FLT1: variants seen among roughly 807,000 people sequenced by gnomAD.
FLT1 encodes fms related receptor tyrosine kinase 1.
FLT1 carries 49 observed loss-of-function variants against 156.3 expected under a neutral mutation model. That is an observed-to-expected ratio of 0.31 (90% CI 0.25 to 0.40). FLT1 has a LOEUF of 0.40. Ranked by LOEUF, FLT1 falls within the 10% of genes least tolerant of loss-of-function variation. FLT1 has a pLI of 1.00. For missense variants in FLT1, 1,322 were observed against 1,637.2 expected, an observed-to-expected ratio of 0.81 and a Z score of 3.32; for synonymous variants, 594 against 583.8, an observed-to-expected ratio of 1.02 and a Z score of -0.25.
Position 28,357,605 on chromosome 13 carries a change from C to G in FLT1, c.2197G>C (p.Ala733Pro). The G allele has an allele frequency of 6.2e-7, 1 of 1,614,054 alleles. No individual in the cohort carries two copies. Among genetic ancestry groups the G allele is most frequent in the Non-Finnish European group, 8.5e-7 (1 of 1,179,924 alleles). The change falls in exon 15 of 30, where the codon GCC becomes CCC. Residue 733 changes from alanine to proline, a missense_variant. Around this residue, in one of 3 missense-constraint regions of FLT1, gnomAD observed 991 missense variants for 1,254.8 expected, o/e 0.79. Coordinates refer to ENST00000282397, the MANE Select transcript of FLT1 (RefSeq NM_002019.4). Reference protein sequence around the residue: ...EEDEGVYHCKATNQKGSVESS... With the variant: ...EEDEGVYHCKPTNQKGSVESS... ...TCCACAGAGCCCTTCTGGTTGGTGG[C>G]TTTGCAGTGATAGACACCTTCATCC...
At chr13:28,432,399 A>G (rs912412315) in intron 6 of FLT1, among the ~76,000 whole-genome samples, 18 of 152,210 alleles carry the variant, frequency 1.2e-4, no homozygotes, top group Admixed American at 9.8e-4. Flanking sequence ...ATCAAAAGTC[A>G]GAGAACTAGT....
In FLT1 at chr13:28,466,907, A is replaced by C. The variant is rs896247729; in HGVS notation, c.384T>G (p.Ile128Met). The C allele has an allele frequency of 2.4e-5, 38 of 1,595,880 alleles. No individual in the cohort carries two copies. Among genetic ancestry groups the C allele is most frequent in the Non-Finnish European group, 3.1e-5 (36 of 1,163,444 alleles). Residue 128 changes from isoleucine (I) to methionine (M), a missense_variant, in exon 3 of 30, where the codon ATT becomes ATG. Physicochemically the swap from Ile to Met is conservative, Grantham distance 10. Transcript: ENST00000282397. ...TGTAGAAAATGGAAGTCTTACCACT[A>C]ATAAATATATAGATTGCAGATTCTG... ...KETESAIYIF[I>M]SDTGRPFVEM...
intron 25 of FLT1, among the ~76,000 whole-genome samples, chr13:28,314,256 A>T (rs1490773255): frequency 6.6e-6 from 1 of 152,216 alleles, no homozygotes; most frequent in African/African-American, 2.4e-5. Context: ...GACACTCCCT[A>T]GTTTCCCTGC....
chr13:28,375,647 G>C (rs1873808947), intron 14 of FLT1, among the ~76,000 whole-genome samples: 1 of 152,190 alleles, frequency 6.6e-6, no homozygotes, highest in African/African-American at 2.4e-5. Context: ...GTGAAGCTTG[G>C]TTTTCCTTGA....
intron 10 of FLT1, among the ~76,000 whole-genome samples, chr13:28,426,650 GATAA>G (rs1039129328): frequency 1.3e-5 from 2 of 152,212 alleles, no homozygotes; most frequent in African/African-American, 2.4e-5. Context: ...CATGGGGTTT[GATAA>G]ATAAAGCCCT....
At chr13:28,364,013 C>T (rs1167477112) in intron 14 of FLT1, among the ~76,000 whole-genome samples, 1 of 152,124 alleles carries the variant, frequency 6.6e-6, no homozygotes, top group African/African-American at 2.4e-5. Flanking sequence ...TTTTATTGGC[C>T]ATTCAGGTTT....
intron 1 of FLT1, among the ~76,000 whole-genome samples, chr13:28,470,225 C>T (rs1880082943): frequency 1.3e-5 from 2 of 152,182 alleles, no homozygotes; most frequent in African/African-American, 4.8e-5. Context: ...TGTATTTTAA[C>T]TCATACTTAT....
chr13:28,330,239 A>G (rs1244314786), intron 18 of FLT1, among the ~76,000 whole-genome samples: 2 of 152,238 alleles, frequency 1.3e-5, no homozygotes, highest in Non-Finnish European at 2.9e-5. Flanking sequence ...TCTGGAGTTC[A>G]CAGGGTTATC....
chr13:28,398,977 A>G, intron 11 of FLT1: 1 of 1,015,702 alleles, frequency 9.8e-7, no homozygotes, highest in Non-Finnish European at 1.5e-6. Flanking sequence ...GAATCTTTTT[A>G]AGAGGTGGGA....
At chr13:28,364,146 C>T (rs17538114) in intron 14 of FLT1, among the ~76,000 whole-genome samples, 1,730 of 152,250 alleles carry the variant, frequency 0.011, 54 homozygotes, top group Admixed American at 0.061. Flanking sequence ...TGGCTTAATA[C>T]GTTTCAAGTC....
At chr13:28,325,840 G>T (rs536679471) in intron 20 of FLT1, among the ~76,000 whole-genome samples, 3 of 113,744 alleles carry the variant, frequency 2.6e-5, no homozygotes, top group African/African-American at 8.4e-5. Flanking sequence ...AAAAAAAAAG[G>T]TTCTTATTAT....
chr13:28,476,546 T>C (rs1880559626), intron 1 of FLT1, among the ~76,000 whole-genome samples: 1 of 152,240 alleles, frequency 6.6e-6, no homozygotes. Context: ...CCTAGGAACC[T>C]GCTTTTTCCT....
At chr13:28,494,682 C>G in intron 1 of FLT1, 98 bp downstream of exon 1, 1 of 914,984 alleles carries the variant, frequency 1.1e-6, no homozygotes, top group Admixed American at 2.2e-5. Flanking sequence ...GCTACAGCCT[C>G]GTCTCCCCGC....
intron 1 of FLT1, among the ~76,000 whole-genome samples, chr13:28,474,485 GACACACACACACACAC>G (rs57021123): frequency 8.9e-6 from 1 of 112,466 alleles, no homozygotes; most frequent in Non-Finnish European, 1.8e-5. Context: ...AACAACCACA[GACACACACACACACAC>G]ACACACACAC....
At position 28,316,210 on chromosome 13, in the gene FLT1, C is replaced by T. The variant is rs528673969; in HGVS notation, c.3386+1288G>A. 6.6e-5 allele frequency among the ~76,000 whole-genome samples: 10 copies of T among 152,356 alleles called. No individual in the cohort carries two copies. The South Asian group carries it at 1.0e-3, about 16-fold the overall frequency. ...TTGGGCCTGAGTCTCCTGTCCACCTCGTCCAGTTCCCCATCCTGGGTCTGA... is the reference window on the plus strand; with the variant it reads ...TTGGGCCTGAGTCTCCTGTCCACCTTGTCCAGTTCCCCATCCTGGGTCTGA... On this transcript the variant is annotated intron_variant, in intron 25 of 29. Coordinates refer to ENST00000282397, the MANE Select transcript of FLT1 (RefSeq NM_002019.4).
At chr13:28,466,498 C>A (rs889963754) in intron 3 of FLT1, among the ~76,000 whole-genome samples, 4 of 152,154 alleles carry the variant, frequency 2.6e-5, no homozygotes, top group Admixed American at 1.3e-4. Flanking sequence ...TTAGTAGAAA[C>A]AACAGTATTT....
At chr13:28,370,634 A>G (rs1024456851) in intron 14 of FLT1, among the ~76,000 whole-genome samples, 3 of 152,218 alleles carry the variant, frequency 2.0e-5, no homozygotes, top group African/African-American at 7.2e-5. Context: ...CTAATAAAGC[A>G]TTTCAGGATG....
chr13:28,476,421 T>C (rs1440590886), intron 1 of FLT1, among the ~76,000 whole-genome samples: 1 of 152,228 alleles, frequency 6.6e-6, no homozygotes, highest in Non-Finnish European at 1.5e-5. Flanking sequence ...TACAAATATG[T>C]AATATTTTAT....
At chr13:28,472,984 A>G (rs1189642948) in intron 1 of FLT1, among the ~76,000 whole-genome samples, 2 of 152,234 alleles carry the variant, frequency 1.3e-5, no homozygotes, top group Non-Finnish European at 2.9e-5. Flanking sequence ...TAAATGACCA[A>G]TAAGCCCATG....
Sources: allele counts gnomAD v4.1 joint callset (sites outside exome capture counted in the v4.1 genomes callset), GRCh38; gene constraint gnomAD v4.1.1; regional missense constraint gnomAD v4.1.1; transcripts MANE v1.5; gene names NCBI Gene and HGNC (gene_info 2026-07-23, HGNC 2026-07-21).